Variants in BACH2 observed in about 807,000 individuals in gnomAD.
The protein encoded by BACH2 is transcription regulator protein BACH2.
In BACH2, 5 loss-of-function variants were observed where a neutral mutation model predicts 61.8. That is an observed-to-expected ratio of 0.08 (90% CI 0.04 to 0.17). BACH2 has a LOEUF of 0.17. BACH2 is among the 10% of genes least tolerant of loss of function. The probability of loss-of-function intolerance (pLI) is 1.00; values close to 1 mark genes in which losing one functional copy is unlikely to be tolerated. For synonymous variants in BACH2, 446 were observed against 440.1 expected (o/e 1.01, Z -0.17); for missense variants, 824 against 1,091.1 (o/e 0.76, Z 3.45).
chr6:90,257,234 A>G (rs1415523586), intron 2 of BACH2, among the ~76,000 whole-genome samples: 4 of 152,164 alleles, frequency 2.6e-5, no homozygotes, highest in Admixed American at 6.5e-5. Flanking sequence ...TCCTTTGGGT[A>G]TATGCCCAGA....
chr6:90,218,663 TTTC>T (rs1769628363), intron 3 of BACH2, among the ~76,000 whole-genome samples: 1 of 152,084 alleles, frequency 6.6e-6, no homozygotes, highest in Non-Finnish European at 1.5e-5. Flanking sequence ...AGCTCTGCCC[TTTC>T]TCTGGCTCGA....
At chr6:90,255,852 G>A (rs138993767) in intron 2 of BACH2, among the ~76,000 whole-genome samples, 6 of 152,268 alleles carry the variant, frequency 3.9e-5, no homozygotes, top group South Asian at 2.1e-4. Context: ...AAGCAGGAAC[G>A]AAGGGGCCAG....
intron 5 of BACH2, among the ~76,000 whole-genome samples, chr6:90,043,634 T>A (rs1446298609): frequency 6.6e-6 from 1 of 152,106 alleles, no homozygotes; most frequent in Non-Finnish European, 1.5e-5. Context: ...CTCCCATAAG[T>A]TGGTTATATT....
intron 1 of BACH2, among the ~76,000 whole-genome samples, chr6:90,294,727 G>A (rs543000806): frequency 5.9e-5 from 9 of 152,308 alleles, no homozygotes; most frequent in South Asian, 4.1e-4. Context: ...CACATTTTAA[G>A]CAAGACGCCC....
At position 90,008,620 on chromosome 6, in the gene BACH2, C is replaced by T; in HGVS notation, c.225G>A (p.Val75=). 1 of 1,614,150 alleles carries T rather than the reference C, an allele frequency of 6.2e-7. No homozygotes were observed. Among genetic ancestry groups the T allele is most frequent in the East Asian group, 2.2e-5 (1 of 44,888 alleles). ...ALVGQTKNDL[V]VSLPEEVTAR... is the part of the protein sequence containing the mutation. ...ACTGTACCTCCTCAGGCAAGCTGAC[C>T]ACCAAATCATTTTTTGTCTGTCCAA... Residue 75 remains valine (V), a synonymous_variant, in exon 6 of 9, where the codon GTG becomes GTA. Coordinates refer to ENST00000257749, the MANE Select transcript of BACH2 (RefSeq NM_021813.4). This position sits in a 1 kb window ranked among gnomAD's most constrained non-coding sequence, Gnocchi z 4.1.
At chr6:89,943,743 T>A (rs1042552159) in intron 7 of BACH2, among the ~76,000 whole-genome samples, 1 of 152,238 alleles carries the variant, frequency 6.6e-6, no homozygotes, top group African/African-American at 2.4e-5. Flanking sequence ...CCTGTAGAAA[T>A]CTCAGTGGAA....
At chr6:89,996,584 C>T (rs146560293) in intron 6 of BACH2, among the ~76,000 whole-genome samples, 3 of 152,126 alleles carry the variant, frequency 2.0e-5, no homozygotes, top group Admixed American at 6.5e-5. Context: ...CTGCAAGTGC[C>T]TCTTTTTGGG....
chr6:90,180,826 G>T (rs762697519), intron 4 of BACH2, among the ~76,000 whole-genome samples: 4 of 151,172 alleles, frequency 2.6e-5, no homozygotes, highest in Non-Finnish European at 4.4e-5. Flanking sequence ...ATACTACTCA[G>T]CCATAAAACA....
At chr6:89,973,842 G>A (rs6930584) in intron 6 of BACH2, among the ~76,000 whole-genome samples, 41,948 of 151,874 alleles carry the variant, frequency 0.28, 6,471 homozygotes, top group African/African-American at 0.41. Flanking sequence ...ATCAACTGAC[G>A]TAAATTGAGG....
intron 6 of BACH2, among the ~76,000 whole-genome samples, chr6:89,961,430 A>G (rs1215205599): frequency 6.6e-6 from 1 of 152,196 alleles, no homozygotes; most frequent in Non-Finnish European, 1.5e-5. Flanking sequence ...ATTATTTTTA[A>G]AAAGAAGATT....
intron 5 of BACH2, among the ~76,000 whole-genome samples, chr6:90,068,871 C>G (rs1781089724): frequency 1.3e-5 from 2 of 152,232 alleles, no homozygotes; most frequent in South Asian, 4.2e-4. Flanking sequence ...AAACTGTATT[C>G]AAATTTCCAC....
chr6:89,991,741 A>G (rs1054335067), intron 6 of BACH2, among the ~76,000 whole-genome samples: 4 of 152,080 alleles, frequency 2.6e-5, no homozygotes, highest in Admixed American at 6.5e-5. Context: ...CTGGGAGCCA[A>G]TCAAGGATCA....
At chr6:90,074,138 A>G (rs1258124936) in intron 5 of BACH2, among the ~76,000 whole-genome samples, 1 of 152,214 alleles carries the variant, frequency 6.6e-6, no homozygotes, top group African/African-American at 2.4e-5. Context: ...CTTTTTTAAA[A>G]GGGTAGTTTA....
chr6:90,074,019 G>A (rs1384426986), intron 5 of BACH2, among the ~76,000 whole-genome samples: 1 of 152,172 alleles, frequency 6.6e-6, no homozygotes, highest in Non-Finnish European at 1.5e-5. Context: ...ATAGAATACT[G>A]TGCTTTTTAT....
chr6:90,048,594 T>C (rs918175627), intron 5 of BACH2, among the ~76,000 whole-genome samples: 7 of 152,210 alleles, frequency 4.6e-5, no homozygotes, highest in Non-Finnish European at 7.3e-5. Context: ...TTCTTGGGAA[T>C]TGAGGGTTGA....
chr6:89,968,037 C>T (rs1184288822), intron 6 of BACH2, among the ~76,000 whole-genome samples: 2 of 152,224 alleles, frequency 1.3e-5, no homozygotes, highest in Admixed American at 6.5e-5. Context: ...TGACTCCTAG[C>T]CTTTTCTTTG....
chr6:89,994,794 A>G (rs1329557242), intron 6 of BACH2, among the ~76,000 whole-genome samples: 1 of 152,232 alleles, frequency 6.6e-6, no homozygotes, highest in Non-Finnish European at 1.5e-5. Flanking sequence ...ATAGAAATGT[A>G]ATAATGTACA....
intron 3 of BACH2, among the ~76,000 whole-genome samples, chr6:90,246,349 C>T (rs1335834304): frequency 6.6e-6 from 1 of 152,176 alleles, no homozygotes; most frequent in African/African-American, 2.4e-5. Context: ...AATTTTTCCA[C>T]TTTTATTCTT....
intron 4 of BACH2, among the ~76,000 whole-genome samples, chr6:90,155,050 T>C (rs1343245371): frequency 6.6e-6 from 1 of 152,174 alleles, no homozygotes; most frequent in East Asian, 1.9e-4. Flanking sequence ...CCAATGCTAT[T>C]TGAGGCGGAG....
Sources: gnomAD v4.1 joint callset for allele counts (sites outside exome capture counted in the v4.1 genomes callset) on GRCh38, gnomAD v4.1.1 for gene constraint, Gnocchi (gnomAD v3.1) non-coding constraint, MANE v1.5 for transcripts, NCBI Gene and HGNC (gene_info 2026-07-23, HGNC 2026-07-21) for gene names.